The following DPP6 variants were observed in gnomAD, a reference collection of about 807,000 sequenced individuals.
DPP6 encodes the protein dipeptidyl peptidase like 6.
Under a neutral mutation model 122.6 loss-of-function variants are expected in DPP6, and 69 were observed. The observed-to-expected ratio is 0.56, with a 90% CI of 0.46 to 0.69. The LOEUF is 0.69. Ranked by LOEUF, DPP6 falls within the 30% of genes least tolerant of loss-of-function variation. The pLI is 0.00. For synonymous variants in DPP6, 418 were observed against 433.1 expected, an observed-to-expected ratio of 0.97 and a Z score of 0.43; for missense variants, 928 against 1,116.9, an observed-to-expected ratio of 0.83 and a Z score of 2.41.
chr7:154,882,235 C>A (rs542646146), intron 21 of DPP6, among the ~76,000 whole-genome samples: 1 of 152,262 alleles, frequency 6.6e-6, no homozygotes, highest in Admixed American at 6.5e-5. Context: ...GAAAGGGGAC[C>A]CTGTGCACCT....
At chr7:153,974,769 C>G (rs1427608362) in intron 1 of DPP6, among the ~76,000 whole-genome samples, 1 of 152,198 alleles carries the variant, frequency 6.6e-6, no homozygotes, top group Non-Finnish European at 1.5e-5. Context: ...GCTGTGTCAT[C>G]AGAGAGACTC....
intron 1 of DPP6, among the ~76,000 whole-genome samples, chr7:154,313,292 C>T (rs988209584): frequency 3.3e-5 from 5 of 152,184 alleles, no homozygotes; most frequent in African/African-American, 1.2e-4. Flanking sequence ...AAGGTGCAGC[C>T]AGCGGTCTGC....
At chr7:153,799,594 C>T in the DPP6 span, among the ~76,000 whole-genome samples, 2 of 152,130 alleles carry the variant, frequency 1.3e-5, no homozygotes, top group African/African-American at 2.4e-5. Flanking sequence ...TTTTATAGCC[C>T]ATAACATTTC....
intron 1 of DPP6, among the ~76,000 whole-genome samples, chr7:154,028,988 C>A (rs1305084646): frequency 6.7e-6 from 1 of 150,314 alleles, no homozygotes; most frequent in Non-Finnish European, 1.5e-5. Flanking sequence ...ACTGCCACCT[C>A]CCCTCTGTCC....
chr7:154,701,341 T>A (rs891724693), intron 7 of DPP6, among the ~76,000 whole-genome samples: 2 of 152,232 alleles, frequency 1.3e-5, no homozygotes, highest in Non-Finnish European at 2.9e-5. Flanking sequence ...TTTGGTCAGC[T>A]TTGTTTAGAT....
At chr7:154,650,392 G>T (rs2130988851) in intron 6 of DPP6, among the ~76,000 whole-genome samples, 1 of 152,248 alleles carries the variant, frequency 6.6e-6, no homozygotes, top group Non-Finnish European at 1.5e-5. Context: ...GCATATCCCA[G>T]TAGCCTGGCT....
intron 1 of DPP6, among the ~76,000 whole-genome samples, chr7:154,015,974 T>C (rs545082674): frequency 5.9e-5 from 9 of 152,290 alleles, no homozygotes; most frequent in South Asian, 2.1e-4. Flanking sequence ...CCTCGGCCCT[T>C]ATAAGACCCC....
chr7:154,853,828 G>GT lies in DPP6; in HGVS notation c.1714+2dup, dbSNP rs1193017450. On this transcript the variant is annotated splice_donor_variant, in intron 17 of 25. Coordinates refer to ENST00000377770, the MANE Select transcript of DPP6 (RefSeq NM_130797.4). LOFTEE classifies it high-confidence loss of function. ...GTGCACAACACAACAGATAAGAAAAGTAAGTGCTCTTTTTTTTCCTTAAAT... is the reference window on the plus strand; with the variant it reads ...GTGCACAACACAACAGATAAGAAAAGTTAAGTGCTCTTTTTTTTCCTTAAAT... 6 of 1,613,566 alleles carry GT rather than the reference G, an allele frequency of 3.7e-6. No homozygotes were observed. Among genetic ancestry groups the GT allele is most frequent in the Non-Finnish European group, 5.1e-6 (6 of 1,179,758 alleles).
chr7:154,628,205 T>C (rs140533801), intron 5 of DPP6, among the ~76,000 whole-genome samples: 2,162 of 152,298 alleles, frequency 0.014, 31 homozygotes, highest in Non-Finnish European at 0.019. Context: ...CTTTTCAGTG[T>C]TGAAGTATTT....
chr7:153,775,649 C>T, the DPP6 span, among the ~76,000 whole-genome samples: 1 of 152,090 alleles, frequency 6.6e-6, no homozygotes, highest in African/African-American at 2.4e-5. Flanking sequence ...CTGCCTCTAT[C>T]TGCAGACAAA....
At chr7:153,789,193 A>T in the DPP6 span, among the ~76,000 whole-genome samples, 1 of 152,126 alleles carries the variant, frequency 6.6e-6, no homozygotes, top group Non-Finnish European at 1.5e-5. Flanking sequence ...TCCTAATTTA[A>T]TTGCAGTGTG....
chr7:154,794,977 A>T (rs558958142), intron 11 of DPP6, among the ~76,000 whole-genome samples: 8 of 152,188 alleles, frequency 5.3e-5, no homozygotes, highest in Non-Finnish European at 1.2e-4. Context: ...GAGGCTCCTA[A>T]CACGACAGCT....
intron 1 of DPP6, among the ~76,000 whole-genome samples, chr7:153,888,558 G>A (rs1368953233): frequency 2.0e-5 from 3 of 152,248 alleles, no homozygotes; most frequent in Non-Finnish European, 4.4e-5. Context: ...AGGGGTCAGG[G>A]CGCTGGAGTC....
At chr7:154,009,503 G>T (rs1798066749) in intron 1 of DPP6, among the ~76,000 whole-genome samples, 1 of 150,920 alleles carries the variant, frequency 6.6e-6, no homozygotes, top group African/African-American at 2.5e-5. Context: ...GGCTCCATGG[G>T]AAGGAACCCA....
the DPP6 span, among the ~76,000 whole-genome samples, chr7:153,815,174 T>C: frequency 6.6e-6 from 1 of 152,190 alleles, no homozygotes; most frequent in Non-Finnish European, 1.5e-5. Flanking sequence ...AAATTGTTCC[T>C]GTTTGCAAAT....
At chr7:154,619,153 T>C (rs1834469003) in intron 5 of DPP6, among the ~76,000 whole-genome samples, 1 of 152,182 alleles carries the variant, frequency 6.6e-6, no homozygotes, top group Admixed American at 6.5e-5. Context: ...AAACCTCCTT[T>C]CCTTGTAAAT....
chr7:154,008,001 G>A (rs1230145323), intron 1 of DPP6, among the ~76,000 whole-genome samples: 6 of 152,128 alleles, frequency 3.9e-5, no homozygotes, highest in East Asian at 1.9e-4. Context: ...GTGTCCTCCC[G>A]GATGTTCAGA....
chr7:154,059,106 A>T (rs1448409182), intron 1 of DPP6: 1 of 141,230 alleles, frequency 7.1e-6, no homozygotes. Flanking sequence ...ACCCCATCGC[A>T]GGAGGGTGTG....
intron 1 of DPP6, among the ~76,000 whole-genome samples, chr7:153,973,295 G>A (rs1328621721): frequency 6.6e-6 from 1 of 152,214 alleles, no homozygotes; most frequent in Non-Finnish European, 1.5e-5. Context: ...AGAATTAAAC[G>A]CTGCTGCAGA....
Sources: gnomAD v4.1 joint callset for allele counts (sites outside exome capture counted in the v4.1 genomes callset) on GRCh38, gnomAD v4.1.1 for gene constraint, MANE v1.5 for transcripts, NCBI Gene and HGNC (gene_info 2026-07-23, HGNC 2026-07-21) for gene names.